The following OTUB2 variants were observed in gnomAD, a reference collection of about 807,000 sequenced individuals.
OTUB2 encodes the protein OTU deubiquitinase, ubiquitin aldehyde binding 2.
Under a neutral mutation model 25.1 loss-of-function variants are expected in OTUB2, and 21 were observed. That is an observed-to-expected ratio of 0.84 (90% confidence interval 0.59 to 1.21). The LOEUF is 1.21. OTUB2 is among the 50% of genes most tolerant of loss of function. OTUB2 has a pLI of 0.00. For synonymous variants in OTUB2, 122 were observed against 122.8 expected, an observed-to-expected ratio of 0.99 and a Z score of 0.04; for missense variants, 283 against 298.0, an observed-to-expected ratio of 0.95 and a Z score of 0.37.
chr14:94,027,134 G>A (rs1884881712), intron 1 of OTUB2, among the ~76,000 whole-genome samples: 1 of 152,214 alleles, frequency 6.6e-6, no homozygotes, highest in African/African-American at 2.4e-5. Context: ...AAATACTCAG[G>A]AATCCCTGAT....
chr14:94,032,308 T>C (rs1396335819), intron 1 of OTUB2, among the ~76,000 whole-genome samples: 1 of 152,058 alleles, frequency 6.6e-6, no homozygotes, highest in Non-Finnish European at 1.5e-5. Context: ...TTAAATAGTG[T>C]GGAGTAAAGG....
At chr14:94,036,236 T>C (rs1456650485) in intron 1 of OTUB2, among the ~76,000 whole-genome samples, 1 of 151,968 alleles carries the variant, frequency 6.6e-6, no homozygotes, top group African/African-American at 2.4e-5. Context: ...CGGTGTGACA[T>C]GAAAAAGGCC....
At chr14:94,026,938 C>T (rs907075728) in intron 1 of OTUB2, among the ~76,000 whole-genome samples, 4 of 152,194 alleles carry the variant, frequency 2.6e-5, no homozygotes, top group Non-Finnish European at 5.9e-5. Context: ...CCCACCCACC[C>T]GACGGCTCGG....
At chr14:94,043,896 AG>A in intron 3 of OTUB2, 74 bp from the exon 4 acceptor site, 25 of 1,372,224 alleles carry the variant, frequency 1.8e-5, no homozygotes, top group Non-Finnish European at 2.4e-5. Context: ...GTGGGTTGAG[AG>A]GGGGACGCAC....
intron 3 of OTUB2, among the ~76,000 whole-genome samples, chr14:94,040,080 C>T (rs544268747): frequency 6.6e-6 from 1 of 152,236 alleles, no homozygotes; most frequent in Non-Finnish European, 1.5e-5. Flanking sequence ...ACAATCAAAA[C>T]TGCCTGCAGA....
chr14:94,039,613 G>A (rs1171548813), intron 3 of OTUB2, among the ~76,000 whole-genome samples: 2 of 148,828 alleles, frequency 1.3e-5, no homozygotes, highest in South Asian at 2.1e-4. Flanking sequence ...TCCATAGCAA[G>A]AAAAAAAAAA....
At position 94,043,962 on chromosome 14, in the gene OTUB2, C is replaced by T; in HGVS notation, c.219-9C>T. Reference sequence around the variant, plus strand: ...TTCCCTGTAAACACTCAGTCTTCCCCCTCTGTAGGTTCAAAGAACGCGTAC... The same window carrying T: ...TTCCCTGTAAACACTCAGTCTTCCCTCTCTGTAGGTTCAAAGAACGCGTAC... On this transcript the variant is annotated splice_polypyrimidine_tract_variant and intron_variant, in intron 3 of 5. Coordinates refer to ENST00000203664, the MANE Select transcript of OTUB2 (RefSeq NM_023112.4). The T allele has an allele frequency of 6.2e-7, 1 of 1,613,430 alleles. No homozygotes were observed. Among genetic ancestry groups the T allele is most frequent in the Non-Finnish European group, 8.5e-7 (1 of 1,179,308 alleles).
At chr14:94,037,718 A>G (rs1885084425) in intron 2 of OTUB2, among the ~76,000 whole-genome samples, 1 of 151,972 alleles carries the variant, frequency 6.6e-6, no homozygotes, top group Non-Finnish European at 1.5e-5. Flanking sequence ...TTACTCACCA[A>G]TACTTCATTA....
chr14:94,039,467 A>C, intron 3 of OTUB2: 1 of 207,612 alleles, frequency 4.8e-6, no homozygotes, highest in Non-Finnish European at 9.8e-6. Flanking sequence ...AGTGTGTGTG[A>C]CCCAGGCATT....
At chr14:94,031,809 T>C (rs1284439938) in intron 1 of OTUB2, among the ~76,000 whole-genome samples, 1 of 152,264 alleles carries the variant, frequency 6.6e-6, no homozygotes, top group Non-Finnish European at 1.5e-5. Flanking sequence ...GCTATCTGAC[T>C]TAATTAATTA....
intron 4 of OTUB2, 27 bp downstream of exon 4, chr14:94,044,082 C>T (rs920889240): frequency 2.9e-5 from 46 of 1,600,414 alleles, no homozygotes; most frequent in Non-Finnish European, 3.7e-5. Flanking sequence ...CCTCCTTCCA[C>T]ACTGGCAGAG....
At chr14:94,043,868 A>T (rs1885208735) in intron 3 of OTUB2, 103 bp from the exon 4 acceptor site, 1 of 1,012,922 alleles carries the variant, frequency 9.9e-7, no homozygotes, top group African/African-American at 1.6e-5. Context: ...TGGACTAGAG[A>T]TGAGGTTGGT....
At chr14:94,038,821 G>A in intron 2 of OTUB2, 142 bp from the exon 3 acceptor site, 1 of 787,480 alleles carries the variant, frequency 1.3e-6, no homozygotes, top group Non-Finnish European at 2.3e-6. Flanking sequence ...GAACGAGGGT[G>A]GGAGGCTGAG....
chr14:94,040,863 G>T (rs868271078), intron 3 of OTUB2, among the ~76,000 whole-genome samples: 44 of 152,256 alleles, frequency 2.9e-4, no homozygotes, highest in African/African-American at 9.2e-4. Context: ...GCAAGGTCTG[G>T]GGTTGGCAGT....
intron 1 of OTUB2, among the ~76,000 whole-genome samples, chr14:94,028,320 G>A (rs956005367): frequency 6.6e-5 from 10 of 152,192 alleles, no homozygotes; most frequent in African/African-American, 2.2e-4. Flanking sequence ...CTGCATGGTG[G>A]GTTTTTATGT....
chr14:94,039,276 A>G, intron 3 of OTUB2, 195 bp downstream of exon 3: 1 of 597,162 alleles, frequency 1.7e-6, no homozygotes, highest in East Asian at 2.8e-5. Context: ...CAAGGGGTGG[A>G]GGATGGAATC....
intron 1 of OTUB2, among the ~76,000 whole-genome samples, chr14:94,035,286 CTTTTTTT>C (rs761154708): frequency 3.8e-5 from 4 of 104,034 alleles, no homozygotes; most frequent in Non-Finnish European, 5.6e-5. Context: ...TTTTTCTTTT[CTTTTTTT>C]TTTTTTTTTT....
rs887936506 is a variant in OTUB2 at position 94,046,434 on chromosome 14, G to A, written c.*512G>A. On this transcript the variant is annotated 3_prime_UTR_variant, in exon 6 of 6. Transcript: ENST00000203664. ...CCTATTGAGGTCAACTTGAATGTGAGGGCTACGGTGTGGTTTCAAACATTC... is the reference window on the plus strand; with the variant it reads ...CCTATTGAGGTCAACTTGAATGTGAAGGCTACGGTGTGGTTTCAAACATTC... 4 of 160,190 alleles carry A rather than the reference G, an allele frequency of 2.5e-5. No individual in the cohort carries two copies. The highest frequency in any genetic ancestry group is 9.6e-5 in the African/African-American group (4 of 41,570). The allele number at this position is 160,190 out of a possible 1,614,324, so 9.9% of individuals were successfully genotyped here. A position where few individuals can be genotyped will look rare whatever the true frequency, so the allele number is the denominator to read the frequency against.
chr14:94,039,115 G>A (rs1409556269), intron 3 of OTUB2, 34 bp downstream of exon 3: 3 of 1,516,262 alleles, frequency 2.0e-6, no homozygotes, highest in Non-Finnish European at 2.7e-6. Flanking sequence ...TGTCAGGGCT[G>A]TGTTCTCTGT....
Sources: gnomAD v4.1 joint callset for allele counts (sites outside exome capture counted in the v4.1 genomes callset) on GRCh38, gnomAD v4.1.1 for gene constraint, MANE v1.5 for transcripts, NCBI Gene and HGNC (gene_info 2026-07-23, HGNC 2026-07-21) for gene names.